Variants in DCLK1 observed in about 807,000 individuals in gnomAD.
DCLK1 encodes serine/threonine-protein kinase DCLK1.
A neutral mutation model predicts 86.2 loss-of-function variants in DCLK1; 16 were observed. The ratio of observed to expected loss-of-function variants is 0.19; its 90% confidence interval spans 0.13 to 0.28. The LOEUF (loss-of-function observed/expected upper bound fraction) is 0.28, where lower values mean the gene tolerates loss of function less well. DCLK1 is among the 10% of genes least tolerant of loss of function. The pLI, the probability that DCLK1 is intolerant of heterozygous loss-of-function variation, is 1.00. For missense variants in DCLK1, 590 were observed against 940.2 expected, an observed-to-expected ratio of 0.63 and a Z score of 4.87; for synonymous variants, 369 against 370.5, an observed-to-expected ratio of 1.00 and a Z score of 0.05.
At chr13:35,887,604 C>T (rs1406970246) in intron 4 of DCLK1, among the ~76,000 whole-genome samples, 1 of 151,928 alleles carries the variant, frequency 6.6e-6, no homozygotes, top group African/African-American at 2.4e-5. Context: ...TATGGCCATT[C>T]GTATCATTTC....
At chr13:36,067,058 G>C (rs1030268818) in intron 3 of DCLK1, among the ~76,000 whole-genome samples, 6 of 142,932 alleles carry the variant, frequency 4.2e-5, no homozygotes, top group African/African-American at 1.6e-4. Flanking sequence ...CCATTACTGG[G>C]TATATACCCA....
At chr13:35,778,823 G>C (rs2086471827) in intron 16 of DCLK1, among the ~76,000 whole-genome samples, 1 of 152,048 alleles carries the variant, frequency 6.6e-6, no homozygotes, top group South Asian at 2.1e-4. Flanking sequence ...AATCTTTCAG[G>C]CTATGTAAAA....
intron 4 of DCLK1, among the ~76,000 whole-genome samples, chr13:35,942,712 A>G (rs1229760025): frequency 6.6e-6 from 1 of 152,162 alleles, no homozygotes; most frequent in East Asian, 1.9e-4. Flanking sequence ...ACCATTTACT[A>G]TATATTTTCA....
chr13:35,983,090 C>T (rs1283579765), intron 3 of DCLK1, among the ~76,000 whole-genome samples: 1 of 151,900 alleles, frequency 6.6e-6, no homozygotes, highest in Non-Finnish European at 1.5e-5. Flanking sequence ...TCTGCTTTAC[C>T]TATCAAGCTT....
intron 3 of DCLK1, among the ~76,000 whole-genome samples, chr13:36,092,697 G>A (rs954858675): frequency 1.7e-4 from 25 of 151,492 alleles, no homozygotes; most frequent in African/African-American, 5.6e-4. Flanking sequence ...CGTTTTAGCC[G>A]GGATGGTCTC....
chr13:35,894,972 G>C (rs1466584018), intron 4 of DCLK1, among the ~76,000 whole-genome samples: 2 of 152,054 alleles, frequency 1.3e-5, no homozygotes, highest in Non-Finnish European at 2.9e-5. Context: ...TTTGAGACAG[G>C]GTCTAGCTCT....
intron 3 of DCLK1, among the ~76,000 whole-genome samples, chr13:36,083,457 A>G (rs730904): frequency 0.25 from 37,650 of 152,016 alleles, 4,901 homozygotes; most frequent in East Asian, 0.5. Flanking sequence ...TCACTACACA[A>G]TGATAATTAA....
At chr13:36,064,562 G>A (rs1387667332) in intron 3 of DCLK1, among the ~76,000 whole-genome samples, 1 of 151,984 alleles carries the variant, frequency 6.6e-6, no homozygotes. Flanking sequence ...GGAAGGCTGA[G>A]GCAGGAGAAT....
intron 6 of DCLK1, chr13:35,848,652 T>C: frequency 2.0e-6 from 2 of 985,378 alleles, no homozygotes; most frequent in Non-Finnish European, 2.4e-6. Context: ...ATAGCATTTA[T>C]TGGACCTTTC....
intron 9 of DCLK1, 121 bp from the exon 10 acceptor site, chr13:35,827,875 C>G: frequency 1.7e-6 from 2 of 1,179,974 alleles, no homozygotes; most frequent in East Asian, 2.4e-5. Flanking sequence ...ATGTAATAAG[C>G]CTGTCTTATA....
rs193180872 is a variant in DCLK1, at chr13:35,916,693, A to T, written c.823+30665T>A. 6.6e-5 allele frequency among the ~76,000 whole-genome samples: 10 copies of T among 152,206 alleles called. No individual in the cohort carries two copies. In the East Asian group the frequency reaches 1.9e-3, roughly 29 times the overall value. ...GTCAAAACATGAAACTTTAATACAC[A>T]CACACAGATACACATGCATGCATAC... is the stretch of plus-strand genomic sequence containing the variant. On this transcript the variant is annotated intron_variant, in intron 4 of 16. Transcript: ENST00000360631.
chr13:36,031,236 C>T (rs776258840), intron 3 of DCLK1, among the ~76,000 whole-genome samples: 2 of 151,552 alleles, frequency 1.3e-5, no homozygotes, highest in East Asian at 3.9e-4. Flanking sequence ...TGTGATCAAA[C>T]TGGATAATTC....
chr13:35,974,546 C>G (rs1879235315), intron 3 of DCLK1, among the ~76,000 whole-genome samples: 1 of 152,150 alleles, frequency 6.6e-6, no homozygotes, highest in Admixed American at 6.5e-5. Flanking sequence ...CCTTGCTGTT[C>G]TCGTGATAGT....
intron 3 of DCLK1, among the ~76,000 whole-genome samples, chr13:36,014,403 T>C (rs1284469348): frequency 6.6e-6 from 1 of 152,254 alleles, no homozygotes; most frequent in Non-Finnish European, 1.5e-5. Flanking sequence ...AACTTTTTTG[T>C]TGCCTTTAAA....
At chr13:36,118,567 A>G (rs2138203926) in intron 2 of DCLK1, among the ~76,000 whole-genome samples, 4 of 152,246 alleles carry the variant, frequency 2.6e-5, no homozygotes, top group Admixed American at 2.6e-4. Flanking sequence ...TGAAGTTCCT[A>G]GAAGCCAATC....
At chr13:36,013,829 CT>C (rs1234956688) in intron 3 of DCLK1, among the ~76,000 whole-genome samples, 2 of 152,208 alleles carry the variant, frequency 1.3e-5, no homozygotes, top group Non-Finnish European at 2.9e-5. Flanking sequence ...CCCCCAGCCT[CT>C]CTGCCGCCTT....
intron 4 of DCLK1, among the ~76,000 whole-genome samples, chr13:35,911,565 G>A (rs1875034946): frequency 1.3e-5 from 2 of 152,140 alleles, no homozygotes; most frequent in Admixed American, 6.5e-5. Context: ...CTCTGCTGTT[G>A]TAGTATTTAT....
rs954111381 is a variant in DCLK1, at chr13:35,772,216, G to A, written c.*2319C>T. On this transcript the variant is annotated 3_prime_UTR_variant, in exon 17 of 17. Coordinates refer to ENST00000360631, the MANE Select transcript of DCLK1 (RefSeq NM_001330071.2). ...CTGAGCTGCCCTTCTGCAGTGTGCTGAGAAACACCCCCTAGCTTCACACGG... is the reference window on the plus strand; with the variant it reads ...CTGAGCTGCCCTTCTGCAGTGTGCTAAGAAACACCCCCTAGCTTCACACGG... 3 of 152,274 alleles carry A rather than the reference G, an allele frequency of 2.0e-5. No individual in the cohort carries two copies. The highest frequency in any genetic ancestry group is 4.4e-5 in the Non-Finnish European group (3 of 68,126). 9.4% of individuals were successfully genotyped at this position (152,274 alleles called of 1,614,324 possible).
At chr13:35,932,301 A>T (rs1253587012) in intron 4 of DCLK1, among the ~76,000 whole-genome samples, 1 of 152,146 alleles carries the variant, frequency 6.6e-6, no homozygotes, top group Non-Finnish European at 1.5e-5. Flanking sequence ...TTATTCTCAG[A>T]CTGAACTGTA....
Sources: allele counts gnomAD v4.1 joint callset (sites outside exome capture counted in the v4.1 genomes callset), GRCh38; gene constraint gnomAD v4.1.1; transcripts MANE v1.5; gene names NCBI Gene and HGNC (gene_info 2026-07-23, HGNC 2026-07-21).